LRP1B: variants seen among roughly 807,000 people sequenced by gnomAD.
The protein encoded by LRP1B is low-density lipoprotein receptor-related protein 1B.
Under a neutral mutation model 556.6 loss-of-function variants are expected in LRP1B, and 217 were observed. The ratio of observed to expected loss-of-function variants is 0.39; its 90% CI spans 0.35 to 0.44. The LOEUF (loss-of-function observed/expected upper bound fraction) is 0.44, where lower values mean the gene tolerates loss of function less well. LRP1B is among the 20% of genes least tolerant of loss of function. The pLI is 1.00. For missense variants in LRP1B, 5,053 were observed against 5,620.8 expected, an observed-to-expected ratio of 0.90 and a Z score of 3.23; for synonymous variants, 2,047 against 1,865.8, an observed-to-expected ratio of 1.10 and a Z score of -2.50.
intron 7 of LRP1B, among the ~76,000 whole-genome samples, chr2:141,179,104 C>A (rs1293949293): frequency 6.6e-6 from 1 of 151,834 alleles, no homozygotes; most frequent in Non-Finnish European, 1.5e-5. Flanking sequence ...ATATTTGAAA[C>A]TTTTATCAAA....
At chr2:140,718,650 G>A (rs990502301) in intron 35 of LRP1B, among the ~76,000 whole-genome samples, 9 of 151,960 alleles carry the variant, frequency 5.9e-5, no homozygotes, top group African/African-American at 2.2e-4. Context: ...ATTTCTCTCC[G>A]CTGTCTCGCA....
chr2:141,072,569 T>A (rs1699677040), intron 7 of LRP1B, among the ~76,000 whole-genome samples: 1 of 151,994 alleles, frequency 6.6e-6, no homozygotes, highest in Non-Finnish European at 1.5e-5. Context: ...AGAATCTCAC[T>A]CTTCCACTTG....
intron 37 of LRP1B, among the ~76,000 whole-genome samples, chr2:140,706,710 C>T (rs11900908): frequency 0.19 from 29,146 of 151,988 alleles, 2,997 homozygotes; most frequent in African/African-American, 0.26. Flanking sequence ...AGCACTGGAG[C>T]GCCCAAAGGC....
chr2:142,078,402 G>C (rs1395837510), intron 1 of LRP1B, among the ~76,000 whole-genome samples: 1 of 152,064 alleles, frequency 6.6e-6, no homozygotes, highest in African/African-American at 2.4e-5. Flanking sequence ...TTTCCTAACA[G>C]TTGGCGACCA....
At chr2:141,917,629 A>G (rs1001833076) in intron 1 of LRP1B, among the ~76,000 whole-genome samples, 2 of 152,202 alleles carry the variant, frequency 1.3e-5, no homozygotes, top group African/African-American at 2.4e-5. Context: ...CAATAGTCAC[A>G]AAGGACAGCA....
At chr2:140,797,477 T>G (rs1411288788) in intron 32 of LRP1B, among the ~76,000 whole-genome samples, 1 of 152,086 alleles carries the variant, frequency 6.6e-6, no homozygotes, top group African/African-American at 2.4e-5. Flanking sequence ...GCTTGAAATA[T>G]TTACTAGAAA....
intron 7 of LRP1B, among the ~76,000 whole-genome samples, chr2:141,128,764 G>A (rs1466469881): frequency 6.6e-6 from 1 of 152,112 alleles, no homozygotes; most frequent in Non-Finnish European, 1.5e-5. Flanking sequence ...GGGATTACAG[G>A]CATGCGCCAC....
intron 2 of LRP1B, among the ~76,000 whole-genome samples, chr2:141,714,442 G>A (rs964873384): frequency 3.2e-5 from 4 of 124,992 alleles, no homozygotes; most frequent in African/African-American, 1.2e-4. Context: ...ACTTGTCTCT[G>A]TAGGCTCTTT....
chr2:140,302,869 A>G (rs565049161), intron 83 of LRP1B, among the ~76,000 whole-genome samples: 1 of 151,808 alleles, frequency 6.6e-6, no homozygotes, highest in South Asian at 2.1e-4. Context: ...GAGTTACACA[A>G]TTGGCTCCCT....
chr2:141,386,001 G>A (rs769128577), intron 3 of LRP1B, among the ~76,000 whole-genome samples: 2 of 152,118 alleles, frequency 1.3e-5, no homozygotes, highest in African/African-American at 2.4e-5. Flanking sequence ...CAAATTCAGA[G>A]TCACAAATGA....
chr2:141,584,727 G>A (rs906829917), intron 2 of LRP1B, among the ~76,000 whole-genome samples: 19 of 152,000 alleles, frequency 1.3e-4, no homozygotes, highest in Admixed American at 6.6e-5. Context: ...TTAACATGAG[G>A]CAAAATTCTG....
intron 66 of LRP1B, among the ~76,000 whole-genome samples, chr2:140,436,881 T>C (rs959926986): frequency 6.6e-6 from 1 of 152,164 alleles, no homozygotes; most frequent in Non-Finnish European, 1.5e-5. Flanking sequence ...AAGGCCAAGC[T>C]TCTAGGAGAA....
At chr2:140,761,996 TG>T (rs1688942002) in intron 35 of LRP1B, among the ~76,000 whole-genome samples, 1 of 152,066 alleles carries the variant, frequency 6.6e-6, no homozygotes, top group Non-Finnish European at 1.5e-5. Flanking sequence ...ATGATGATGA[TG>T]ATGATGATGC....
intron 2 of LRP1B, among the ~76,000 whole-genome samples, chr2:141,579,136 A>G (rs1686863791): frequency 6.6e-6 from 1 of 152,108 alleles, no homozygotes; most frequent in African/African-American, 2.4e-5. Context: ...ATGCCAATTT[A>G]TTTACTCTTC....
intron 47 of LRP1B, among the ~76,000 whole-genome samples, chr2:140,533,410 T>A (rs1690808005): frequency 6.6e-6 from 1 of 152,110 alleles, no homozygotes; most frequent in Non-Finnish European, 1.5e-5. Flanking sequence ...CAGTTCTAAC[T>A]CAGGTAGTTT....
At chr2:141,771,605 A>G (rs1289834652) in intron 2 of LRP1B, among the ~76,000 whole-genome samples, 1 of 152,056 alleles carries the variant, frequency 6.6e-6, no homozygotes, top group Non-Finnish European at 1.5e-5. Flanking sequence ...TTTTTAAGAA[A>G]TTGATTTTAT....
intron 3 of LRP1B, among the ~76,000 whole-genome samples, chr2:141,375,055 G>C (rs956575447): frequency 6.6e-6 from 1 of 152,126 alleles, no homozygotes; most frequent in African/African-American, 2.4e-5. Flanking sequence ...GAAGATGTAT[G>C]TATGTTGTTG....
At chr2:140,295,808 C>T (rs201443305) in intron 84 of LRP1B, among the ~76,000 whole-genome samples, 1 of 92,742 alleles carries the variant, frequency 1.1e-5, no homozygotes, top group East Asian at 3.4e-4. Context: ...ACTGTGATAG[C>T]AATTTTATTG....
chr2:141,078,197 T>C (rs1699839055), intron 7 of LRP1B, among the ~76,000 whole-genome samples: 1 of 152,140 alleles, frequency 6.6e-6, no homozygotes, highest in South Asian at 2.1e-4. Context: ...CTAAATAAAT[T>C]GTATTATCTG....
Sources: allele counts gnomAD v4.1 joint callset (sites outside exome capture counted in the v4.1 genomes callset), GRCh38; gene constraint gnomAD v4.1.1; transcripts MANE v1.5; gene names NCBI Gene and HGNC (gene_info 2026-07-23, HGNC 2026-07-21).